Variants in PLCXD3 observed in about 807,000 individuals in gnomAD.
PLCXD3 encodes the protein PI-PLC X domain-containing protein 3.
PLCXD3 carries 19 observed loss-of-function variants against 25.5 expected under a neutral mutation model. The ratio of observed to expected loss-of-function variants is 0.75; its 90% CI spans 0.52 to 1.09. The LOEUF is 1.09. PLCXD3 is among the 50% of genes least tolerant of loss of function. The pLI, the probability that PLCXD3 is intolerant of heterozygous loss-of-function variation, is 0.00. For synonymous variants in PLCXD3, 174 were observed against 137.6 expected, an observed-to-expected ratio of 1.26 and a Z score of -1.85; for missense variants, 411 against 388.1, an observed-to-expected ratio of 1.06 and a Z score of -0.50.
At chr5:41,488,842 T>G (rs1403333142) in intron 1 of PLCXD3, among the ~76,000 whole-genome samples, 1 of 149,916 alleles carries the variant, frequency 6.7e-6, no homozygotes, top group African/African-American at 2.5e-5. Flanking sequence ...CTTTGTCAGA[T>G]GAGTAGGTTG....
At chr5:41,454,822 T>A (rs1337301194) in intron 1 of PLCXD3, among the ~76,000 whole-genome samples, 1 of 151,988 alleles carries the variant, frequency 6.6e-6, no homozygotes, top group Non-Finnish European at 1.5e-5. Context: ...GTTTTCATAC[T>A]GCTATGAAGA....
At chr5:41,470,886 T>C (rs58851969) in intron 1 of PLCXD3, among the ~76,000 whole-genome samples, 1,700 of 152,268 alleles carry the variant, frequency 0.011, 28 homozygotes, top group African/African-American at 0.038. Context: ...CAAGAGTTAA[T>C]AAACTGCATT....
At chr5:41,420,235 G>C (rs2150505828) in intron 1 of PLCXD3, among the ~76,000 whole-genome samples, 1 of 152,204 alleles carries the variant, frequency 6.6e-6, no homozygotes, top group Non-Finnish European at 1.5e-5. Context: ...ATTAACTAGA[G>C]AGTAAAACAA....
At chr5:41,332,476 A>T (rs1324564445) in intron 2 of PLCXD3, among the ~76,000 whole-genome samples, 1 of 152,162 alleles carries the variant, frequency 6.6e-6, no homozygotes, top group Non-Finnish European at 1.5e-5. Flanking sequence ...AGAAATAGGA[A>T]CACTTTTACA....
intron 2 of PLCXD3, among the ~76,000 whole-genome samples, chr5:41,357,876 G>A (rs560558033): frequency 6.6e-6 from 1 of 152,244 alleles, no homozygotes; most frequent in East Asian, 1.9e-4. Context: ...ATTGTTATAT[G>A]TGCCCACATC....
At chr5:41,421,131 A>G (rs1746809832) in intron 1 of PLCXD3, among the ~76,000 whole-genome samples, 1 of 152,194 alleles carries the variant, frequency 6.6e-6, no homozygotes, top group African/African-American at 2.4e-5. Flanking sequence ...CTAATATAAA[A>G]TGTTAGGCAT....
rs139610666 is a variant in PLCXD3 at position 41,334,956 on chromosome 5, C to A, written c.813-21186G>T. On this transcript the variant is annotated intron_variant, in intron 2 of 2. Transcript: ENST00000377801. ...CAGGGGAATGAAAGAATAAAGAAAG[C>A]TTTGCAATTTTTAAACAAAGAGACC... is the stretch of plus-strand genomic sequence containing the variant. 2.6e-5 allele frequency among the ~76,000 whole-genome samples: 4 copies of A among 152,232 alleles called. No individual in the cohort carries two copies. The East Asian group carries it at 7.7e-4, about 29-fold the overall frequency.
intron 2 of PLCXD3, among the ~76,000 whole-genome samples, chr5:41,349,239 A>G (rs1270055345): frequency 1.3e-5 from 2 of 152,200 alleles, no homozygotes; most frequent in Non-Finnish European, 2.9e-5. Flanking sequence ...TATTTCTTAA[A>G]AGGATGGCTG....
At chr5:41,326,949 C>T (rs1431786677) in intron 2 of PLCXD3, among the ~76,000 whole-genome samples, 1 of 152,090 alleles carries the variant, frequency 6.6e-6, no homozygotes, top group East Asian at 1.9e-4. Flanking sequence ...GACGTAAACC[C>T]ACCATGACAA....
At chr5:41,471,963 T>C (rs1748177058) in intron 1 of PLCXD3, among the ~76,000 whole-genome samples, 1 of 101,138 alleles carries the variant, frequency 9.9e-6, no homozygotes, top group Non-Finnish European at 2.0e-5. Context: ...TTCCCTTCCC[T>C]TCCCTTTCTC....
At chr5:41,373,838 G>C (rs1015473207) in intron 2 of PLCXD3, among the ~76,000 whole-genome samples, 1 of 152,012 alleles carries the variant, frequency 6.6e-6, no homozygotes, top group African/African-American at 2.4e-5. Flanking sequence ...TTTTAGCCCA[G>C]GGTAACAAAT....
At chr5:41,338,953 G>C (rs1192644597) in intron 2 of PLCXD3, among the ~76,000 whole-genome samples, 2 of 152,018 alleles carry the variant, frequency 1.3e-5, no homozygotes, top group African/African-American at 2.4e-5. Context: ...CCTCATTCTG[G>C]TTCTTTTATT....
At chr5:41,493,931 G>A (rs1748769298) in intron 1 of PLCXD3, among the ~76,000 whole-genome samples, 1 of 152,292 alleles carries the variant, frequency 6.6e-6, no homozygotes, top group East Asian at 1.9e-4. Flanking sequence ...CGCGCACAGT[G>A]CGCTGCACCC....
intron 2 of PLCXD3, among the ~76,000 whole-genome samples, chr5:41,319,370 A>C (rs1488400909): frequency 6.6e-6 from 1 of 152,142 alleles, no homozygotes; most frequent in African/African-American, 2.4e-5. Flanking sequence ...GTCACAAAAC[A>C]TCTTAAAACA....
intron 1 of PLCXD3, among the ~76,000 whole-genome samples, chr5:41,448,982 C>T (rs1203058314): frequency 6.6e-6 from 1 of 152,142 alleles, no homozygotes; most frequent in Non-Finnish European, 1.5e-5. Context: ...CTTTCTGCAC[C>T]TGCAAAACTT....
In PLCXD3 at chr5:41,472,361, GA is replaced by G. The variant is rs1368467001; in HGVS notation, c.103+38062del. On this transcript the variant is annotated intron_variant, in intron 1 of 2. Transcript: ENST00000377801. ...TTGGAGAGTATGGCCTAAGAATTGG[GA>G]AAAACATCTATTTTCTTCATTCTCT... 4.6e-5 allele frequency among the ~76,000 whole-genome samples: 7 copies of G among 152,226 alleles called. No homozygotes were observed. The East Asian group carries it at 1.4e-3, about 30-fold the overall frequency.
intron 1 of PLCXD3, among the ~76,000 whole-genome samples, chr5:41,427,501 C>G (rs890715572): frequency 3.3e-5 from 5 of 152,140 alleles, no homozygotes. Flanking sequence ...TTATTTTACT[C>G]TCCTTAATAA....
At chr5:41,451,695 C>T (rs1275705756) in intron 1 of PLCXD3, among the ~76,000 whole-genome samples, 2 of 150,886 alleles carry the variant, frequency 1.3e-5, no homozygotes, top group East Asian at 2.0e-4. Context: ...CAGCAAAGAA[C>T]ATGATGAACT....
intron 2 of PLCXD3, among the ~76,000 whole-genome samples, chr5:41,354,414 A>G (rs984943350): frequency 2.0e-5 from 3 of 151,148 alleles, no homozygotes; most frequent in African/African-American, 7.4e-5. Context: ...CTAAGCCAGA[A>G]GCTTCTCTCT....
Sources: allele counts gnomAD v4.1 joint callset (sites outside exome capture counted in the v4.1 genomes callset), GRCh38; gene constraint gnomAD v4.1.1; transcripts MANE v1.5; gene names NCBI Gene and HGNC (gene_info 2026-07-23, HGNC 2026-07-21).